APBA2: variants seen among roughly 807,000 people sequenced by gnomAD.
APBA2 encodes the protein amyloid beta precursor protein binding family A member 2, also known as amyloid-beta A4 precursor protein-binding family A member 2.
Under a neutral mutation model 75.0 loss-of-function variants are expected in APBA2, and 30 were observed. The observed-to-expected ratio is 0.40, with a 90% confidence interval of 0.30 to 0.54. The LOEUF (loss-of-function observed/expected upper bound fraction) is 0.54, where lower values mean the gene tolerates loss of function less well. Among genes scored for constraint, APBA2 ranks in the 20% least tolerant of loss-of-function variants. The probability of loss-of-function intolerance (pLI) is 0.49; values close to 1 mark genes in which losing one functional copy is unlikely to be tolerated. For synonymous variants in APBA2, 444 were observed against 409.6 expected, an observed-to-expected ratio of 1.08 and a Z score of -1.01; for missense variants, 801 against 1,016.1, an observed-to-expected ratio of 0.79 and a Z score of 2.88.
At chr15:28,936,312 C>A (rs1383513938) in intron 2 of APBA2, among the ~76,000 whole-genome samples, 1 of 152,206 alleles carries the variant, frequency 6.6e-6, no homozygotes, top group Non-Finnish European at 1.5e-5. Flanking sequence ...TGTGACCCGC[C>A]AGCCAGCTTT....
chr15:28,958,843 CT>C lies in APBA2; in HGVS notation c.-94-36905del, dbSNP rs1410540649. The stretch of plus-strand genomic sequence containing the variant: ...TTTTTTTTTTTGACTGCAGAAATGC[CT>C]TTTTAATATCAGAAAATTTCCAAGT... On this transcript the variant is annotated intron_variant, in intron 2 of 14. Coordinates refer to ENST00000683413, the MANE Select transcript of APBA2 (RefSeq NM_001353788.2). Among the ~76,000 whole-genome samples, 4 of 151,668 alleles carry C rather than the reference CT, an allele frequency of 2.6e-5. No individual in the cohort carries two copies. In the East Asian group the frequency reaches 7.8e-4, roughly 30 times the overall value.
chr15:28,937,967 G>A (rs538748391), intron 2 of APBA2, among the ~76,000 whole-genome samples: 17 of 152,198 alleles, frequency 1.1e-4, no homozygotes, highest in Non-Finnish European at 5.9e-5. Flanking sequence ...CCCTTCTGGA[G>A]TATTTCGTTC....
chr15:29,080,640 C>T (rs1689708942), intron 6 of APBA2, among the ~76,000 whole-genome samples: 1 of 152,166 alleles, frequency 6.6e-6, no homozygotes, highest in South Asian at 2.1e-4. Flanking sequence ...CGAAAGCAGC[C>T]ACCCTCAAGA....
intron 3 of APBA2, among the ~76,000 whole-genome samples, chr15:29,023,631 T>G (rs2040068885): frequency 6.6e-6 from 1 of 151,700 alleles, no homozygotes; most frequent in South Asian, 2.1e-4. Context: ...AATTTTTGTA[T>G]TTTTAGTAGA....
At chr15:29,051,339 C>T (rs2041584735) in intron 3 of APBA2, among the ~76,000 whole-genome samples, 1 of 152,074 alleles carries the variant, frequency 6.6e-6, no homozygotes, top group Non-Finnish European at 1.5e-5. Context: ...CTGCAGGGTC[C>T]ATCTCAGTGA....
intron 2 of APBA2, among the ~76,000 whole-genome samples, chr15:28,969,144 C>CTT (rs2036907857): frequency 1.3e-5 from 1 of 74,824 alleles, no homozygotes; most frequent in Non-Finnish European, 2.0e-5. Flanking sequence ...TTCTTTCTTT[C>CTT]TTTCTTTCTT....
chr15:28,904,532 C>T (rs1156335956), intron 1 of APBA2, among the ~76,000 whole-genome samples: 1 of 152,196 alleles, frequency 6.6e-6, no homozygotes, highest in Non-Finnish European at 1.5e-5. Context: ...TTTTGATTGA[C>T]ATCTGGAAAG....
At chr15:29,048,155 C>G (rs757791065) in intron 3 of APBA2, among the ~76,000 whole-genome samples, 1 of 151,908 alleles carries the variant, frequency 6.6e-6, no homozygotes, top group Non-Finnish European at 1.5e-5. Flanking sequence ...GACACCAACC[C>G]GGCCAACATG....
chr15:28,889,855 G>A (rs572752132), intron 1 of APBA2, among the ~76,000 whole-genome samples: 1 of 152,250 alleles, frequency 6.6e-6, no homozygotes, highest in African/African-American at 2.4e-5. Context: ...TGTTTCTCTT[G>A]TTAACCTTGC....
intron 6 of APBA2, among the ~76,000 whole-genome samples, chr15:29,076,334 A>G (rs2279494): frequency 0.065 from 9,867 of 152,078 alleles, 845 homozygotes; most frequent in African/African-American, 0.2. Flanking sequence ...TTATACCCTC[A>G]CTAATTGCAT....
intron 3 of APBA2, among the ~76,000 whole-genome samples, chr15:29,024,577 C>G (rs1052294129): frequency 6.6e-6 from 1 of 152,238 alleles, no homozygotes; most frequent in Non-Finnish European, 1.5e-5. Context: ...CAGCGTTCGT[C>G]TGATTGCTTT....
intron 3 of APBA2, among the ~76,000 whole-genome samples, chr15:28,997,456 G>C (rs1406545536): frequency 6.6e-6 from 1 of 152,194 alleles, no homozygotes; most frequent in Non-Finnish European, 1.5e-5. Flanking sequence ...AATGACATTA[G>C]ATACATCATC....
intron 1 of APBA2, among the ~76,000 whole-genome samples, chr15:28,903,524 C>T (rs2032978979): frequency 6.6e-6 from 1 of 152,222 alleles, no homozygotes; most frequent in African/African-American, 2.4e-5. Flanking sequence ...GCGTCAGCGC[C>T]TGTATTTGTG....
At chr15:29,020,491 A>C (rs947130486) in intron 3 of APBA2, among the ~76,000 whole-genome samples, 2 of 151,738 alleles carry the variant, frequency 1.3e-5, no homozygotes, top group Non-Finnish European at 2.9e-5. Context: ...TTTTCCAGTG[A>C]CTTTTTTAAA....
chr15:29,069,975 G>A (rs1367724185), intron 4 of APBA2, among the ~76,000 whole-genome samples: 2 of 152,256 alleles, frequency 1.3e-5, no homozygotes, highest in African/African-American at 4.8e-5. Flanking sequence ...GGCCCCAGTG[G>A]TCGGTGATGG....
chr15:28,984,912 G>GCTCTCT lies in APBA2; in HGVS notation c.-94-10821_-94-10816dup, dbSNP rs72448868. Among the ~76,000 whole-genome samples the GCTCTCT allele has an allele frequency of 6.7e-4, 94 of 139,600 alleles. 1 individual carries two copies. The highest frequency in any genetic ancestry group is 3.7e-3 in the Middle Eastern group (1 of 270). The allele number at this position is 139,600 out of a possible 152,430, so 91.6% of individuals were successfully genotyped here. Reference sequence around the variant, plus strand: ...CCATCTCTGGGGGTTGGGGGGAGCTGCTCTCTCTCTCTCTCTCTCTCTCTC... The same window carrying GCTCTCT: ...CCATCTCTGGGGGTTGGGGGGAGCTGCTCTCTCTCTCTCTCTCTCTCTCTCTCTCTC... On this transcript the variant is annotated intron_variant, in intron 2 of 14. Coordinates refer to ENST00000683413, the MANE Select transcript of APBA2 (RefSeq NM_001353788.2).
At chr15:28,917,815 A>G (rs2033754561) in intron 1 of APBA2, among the ~76,000 whole-genome samples, 1 of 152,114 alleles carries the variant, frequency 6.6e-6, no homozygotes, top group African/African-American at 2.4e-5. Flanking sequence ...TCTTGTTTTG[A>G]GGAGAACTTT....
chr15:28,944,189 A>T (rs1028488826), intron 2 of APBA2, among the ~76,000 whole-genome samples: 1 of 152,192 alleles, frequency 6.6e-6, no homozygotes, highest in Non-Finnish European at 1.5e-5. Context: ...GAGACATCAG[A>T]TAAGAGACAT....
intron 6 of APBA2, 80 bp downstream of exon 6, chr15:29,076,171 CA>C (rs1330911124): frequency 2.1e-6 from 3 of 1,452,218 alleles, no homozygotes; most frequent in Non-Finnish European, 1.9e-6. Context: ...TTTGGGCATT[CA>C]CCTGCAAAGC....
Sources: allele counts gnomAD v4.1 joint callset (sites outside exome capture counted in the v4.1 genomes callset), GRCh38; gene constraint gnomAD v4.1.1; transcripts MANE v1.5; gene names NCBI Gene and HGNC (gene_info 2026-07-23, HGNC 2026-07-21).